The following COL5A2 variants were observed in gnomAD, a reference collection of about 807,000 sequenced individuals.
The protein encoded by COL5A2 is collagen alpha-2(V) chain.
COL5A2 carries 23 observed loss-of-function variants against 208.2 expected under a neutral mutation model. That is an observed-to-expected ratio of 0.11 (90% confidence interval 0.08 to 0.16). COL5A2 has a LOEUF of 0.16. COL5A2 is among the 10% of genes least tolerant of loss of function. The pLI is 1.00. For synonymous variants in COL5A2, 625 were observed against 628.5 expected (o/e 0.99, Z 0.08); for missense variants, 1,590 against 1,956.4 (o/e 0.81, Z 3.53).
At chr2:189,348,559 C>A in the COL5A2 span, among the ~76,000 whole-genome samples, 1 of 152,090 alleles carries the variant, frequency 6.6e-6, no homozygotes, top group Non-Finnish European at 1.5e-5. Context: ...AGGTTCTGAC[C>A]ATGCCTCAAT....
chr2:189,093,420 G>T (rs1686831129), intron 6 of COL5A2, among the ~76,000 whole-genome samples: 2 of 152,198 alleles, frequency 1.3e-5, no homozygotes, highest in South Asian at 4.2e-4. Flanking sequence ...AATACCTATG[G>T]GACCACAGTA....
chr2:189,206,096 G>GA (rs967153456), intron 1 of COL5A2, among the ~76,000 whole-genome samples: 2 of 152,144 alleles, frequency 1.3e-5, no homozygotes, highest in African/African-American at 2.4e-5. Context: ...GGAAACTAGG[G>GA]AAAAAGCTAG....
chr2:189,306,484 C>T, the COL5A2 span, among the ~76,000 whole-genome samples: 1 of 152,180 alleles, frequency 6.6e-6, no homozygotes, highest in African/African-American at 2.4e-5. Flanking sequence ...GCATCTTCAT[C>T]ATGTGCATTT....
the COL5A2 span, chr2:189,311,381 T>A: frequency 1.0e-6 from 1 of 979,074 alleles, no homozygotes; most frequent in Non-Finnish European, 1.6e-6. Flanking sequence ...ATCACCAAGA[T>A]TGAAGTCCTC....
At chr2:189,266,499 C>A in the COL5A2 span, among the ~76,000 whole-genome samples, 1 of 151,514 alleles carries the variant, frequency 6.6e-6, no homozygotes, top group Non-Finnish European at 1.5e-5. Flanking sequence ...CTGCTAAGTG[C>A]AAGAACCCTG....
chr2:189,312,597 T>A, the COL5A2 span, among the ~76,000 whole-genome samples: 2 of 152,138 alleles, frequency 1.3e-5, no homozygotes, highest in South Asian at 2.1e-4. Flanking sequence ...CAGACAACTT[T>A]TTTAAACAGG....
the COL5A2 span, among the ~76,000 whole-genome samples, chr2:189,305,968 T>G: frequency 6.6e-6 from 1 of 152,164 alleles, no homozygotes; most frequent in Non-Finnish European, 1.5e-5. Flanking sequence ...AGGAGAAAAG[T>G]GTGGAAGTGA....
intron 1 of COL5A2, among the ~76,000 whole-genome samples, chr2:189,134,147 A>AT (rs1338241590): frequency 9.2e-5 from 14 of 152,156 alleles, no homozygotes; most frequent in African/African-American, 3.4e-4. Context: ...TCCATTCTGT[A>AT]TTAAAGCCAG....
intron 1 of COL5A2, among the ~76,000 whole-genome samples, chr2:189,206,925 C>T (rs965461837): frequency 6.6e-6 from 1 of 152,112 alleles, no homozygotes; most frequent in African/African-American, 2.4e-5. Flanking sequence ...AATGCAGAAG[C>T]CTAAATTAAA....
At chr2:189,051,224 A>AT in intron 42 of COL5A2, 96 bp downstream of exon 42, 1 of 1,512,032 alleles carries the variant, frequency 6.6e-7, no homozygotes, top group East Asian at 2.3e-5. Flanking sequence ...TGTGCCCAGC[A>AT]TAATATTTAA....
chr2:189,417,448 T>TTC, the COL5A2 span, among the ~76,000 whole-genome samples: 1 of 151,704 alleles, frequency 6.6e-6, no homozygotes, highest in Non-Finnish European at 1.5e-5. Context: ...TCTTTTTTTT[T>TTC]CACATTTGGT....
At chr2:189,131,184 A>G (rs1315266924) in intron 1 of COL5A2, among the ~76,000 whole-genome samples, 1 of 152,124 alleles carries the variant, frequency 6.6e-6, no homozygotes. Flanking sequence ...TTTTCAAATG[A>G]CGATTCTTAT....
Position 189,114,199 on chromosome 2 carries a change from C to T in COL5A2, c.98-3750G>A, listed in dbSNP as rs189578445. Among the ~76,000 whole-genome samples, 6 of 152,286 alleles carry T rather than the reference C, an allele frequency of 3.9e-5. No homozygotes were observed. The East Asian group carries it at 1.2e-3, about 29-fold the overall frequency. ...CATTCACTGTTAAACCTTGTCTTCT[C>T]TTCACTCAGACAAGAATCCATACAC... On this transcript the variant is annotated intron_variant, in intron 1 of 53. Coordinates refer to ENST00000374866, the MANE Select transcript of COL5A2 (RefSeq NM_000393.5).
the COL5A2 span, among the ~76,000 whole-genome samples, chr2:189,378,097 G>T: frequency 2.0e-5 from 3 of 151,964 alleles, no homozygotes; most frequent in African/African-American, 7.2e-5. Flanking sequence ...CTTCCCTAAA[G>T]AATGTATACA....
At chr2:189,161,100 G>A (rs1249066878) in intron 1 of COL5A2, among the ~76,000 whole-genome samples, 1 of 151,060 alleles carries the variant, frequency 6.6e-6, no homozygotes, top group Admixed American at 6.6e-5. Context: ...GCTTACAGGT[G>A]TGGGCCACCG....
intron 1 of COL5A2, among the ~76,000 whole-genome samples, chr2:189,135,762 G>A (rs1237871354): frequency 6.6e-6 from 1 of 152,206 alleles, no homozygotes; most frequent in Non-Finnish European, 1.5e-5. Flanking sequence ...AGGAGAGGCA[G>A]CAATAGAAGC....
At chr2:189,112,380 T>C (rs1687301550) in intron 1 of COL5A2, among the ~76,000 whole-genome samples, 3 of 152,226 alleles carry the variant, frequency 2.0e-5, no homozygotes, top group Admixed American at 1.3e-4. Context: ...AATGCAAAGC[T>C]ACATATGAAA....
At chr2:189,423,062 C>T in the COL5A2 span, among the ~76,000 whole-genome samples, 11 of 150,232 alleles carry the variant, frequency 7.3e-5, no homozygotes, top group Admixed American at 1.3e-4. Context: ...AAATTCACCC[C>T]AAAAAATGGA....
At chr2:189,392,108 A>G in the COL5A2 span, among the ~76,000 whole-genome samples, 1 of 152,180 alleles carries the variant, frequency 6.6e-6, no homozygotes, top group Non-Finnish European at 1.5e-5. Flanking sequence ...GCATATACAA[A>G]TGCATTTTTA....
Sources: allele counts gnomAD v4.1 joint callset (sites outside exome capture counted in the v4.1 genomes callset), GRCh38; gene constraint gnomAD v4.1.1; transcripts MANE v1.5; gene names NCBI Gene and HGNC (gene_info 2026-07-23, HGNC 2026-07-21).